Variants in TFDP2 observed in about 807,000 individuals in gnomAD.
TFDP2 encodes the protein transcription factor Dp-2 (E2F dimerization partner 2).
TFDP2 carries 17 observed loss-of-function variants against 59.3 expected under a neutral mutation model. That is an observed-to-expected ratio of 0.29 (90% CI 0.20 to 0.43). The LOEUF is 0.43. TFDP2 is among the 20% of genes least tolerant of loss of function. TFDP2 has a pLI of 1.00. For synonymous variants in TFDP2, 180 were observed against 194.7 expected, an observed-to-expected ratio of 0.92 and a Z score of 0.63; for missense variants, 391 against 528.8, an observed-to-expected ratio of 0.74 and a Z score of 2.56.
chr3:142,149,356 C>A lies in TFDP2; in HGVS notation c.-266G>T. ...CGGTCAAGGCCCAGGAGTTTGAGGC[C>A]CCAGAACGCCAACCGTGCGCGCGCC... On this transcript the variant is annotated 5_prime_UTR_variant, in exon 1 of 13. Transcript: ENST00000489671. 1 of 392,088 alleles carries A rather than the reference C, an allele frequency of 2.6e-6. No individual in the cohort carries two copies. Among genetic ancestry groups the A allele is most frequent in the Non-Finnish European group, 4.5e-6 (1 of 222,320 alleles). 24.3% of individuals were successfully genotyped at this position (392,088 alleles called of 1,614,324 possible).
intron 3 of TFDP2, chr3:142,043,751 G>A: frequency 6.4e-7 from 1 of 1,552,678 alleles, no homozygotes; most frequent in Non-Finnish European, 8.9e-7. Context: ...TGGTCAGCCA[G>A]GAGCTTCTTG....
intron 2 of TFDP2, among the ~76,000 whole-genome samples, chr3:142,100,045 T>C (rs1000240084): frequency 6.6e-6 from 1 of 152,202 alleles, no homozygotes; most frequent in African/African-American, 2.4e-5. Flanking sequence ...CTGCTTCTAG[T>C]TACCAATGCA....
intron 1 of TFDP2, among the ~76,000 whole-genome samples, chr3:142,138,559 G>A (rs1372507164): frequency 3.3e-5 from 5 of 152,128 alleles, no homozygotes; most frequent in Non-Finnish European, 7.4e-5. Context: ...AGAGATTCTG[G>A]TACATTGTGT....
At chr3:142,131,415 A>G (rs1053090680) in intron 1 of TFDP2, among the ~76,000 whole-genome samples, 1 of 150,290 alleles carries the variant, frequency 6.7e-6, no homozygotes, top group Non-Finnish European at 1.5e-5. Flanking sequence ...AACTGAAATC[A>G]GGGCACATAA....
chr3:141,993,726 A>G, intron 5 of TFDP2, 141 bp from the exon 6 acceptor site: 1 of 472,266 alleles, frequency 2.1e-6, no homozygotes, highest in Non-Finnish European at 3.8e-6. Context: ...AGATAGGTAC[A>G]TAAAATAAAT....
chr3:142,020,084 G>A lies in TFDP2; in HGVS notation c.83-14540C>T, dbSNP rs139085689. ...CAAGTCACAGGTCAATTCTAGAAGGGGCAATTTGTTTTGCAAAGAGAAATG... is the reference window on the plus strand; with the variant it reads ...CAAGTCACAGGTCAATTCTAGAAGGAGCAATTTGTTTTGCAAAGAGAAATG... On this transcript the variant is annotated intron_variant, in intron 3 of 12. Transcript: ENST00000489671. Among the ~76,000 whole-genome samples the A allele has an allele frequency of 2.3e-4, 35 of 152,220 alleles. No homozygotes were observed. The East Asian group carries it at 6.7e-3, about 29-fold the overall frequency.
At chr3:142,077,766 T>G (rs1370487372) in intron 3 of TFDP2, among the ~76,000 whole-genome samples, 2 of 152,008 alleles carry the variant, frequency 1.3e-5, no homozygotes, top group Non-Finnish European at 2.9e-5. Flanking sequence ...CTGGGTCATA[T>G]GAGAAACTCC....
chr3:142,094,180 C>T lies in TFDP2; in HGVS notation c.16-1053G>A, dbSNP rs78108506. Among the ~76,000 whole-genome samples, 652 of 152,200 alleles carry T rather than the reference C, an allele frequency of 4.3e-3. 4 individuals are homozygous for T. The highest frequency in any genetic ancestry group is 0.015 in the African/African-American group (618 of 41,536). ...CAGAACGCAAACATCCAAAAATTGG[C>T]TCTATTATTACTATCAAATACTTTT... is the stretch of plus-strand genomic sequence containing the variant. On this transcript the variant is annotated intron_variant, in intron 2 of 12. Coordinates refer to ENST00000489671, the MANE Select transcript of TFDP2 (RefSeq NM_001178139.2).
chr3:142,112,203 C>T (rs546704893), intron 1 of TFDP2, among the ~76,000 whole-genome samples: 2 of 152,306 alleles, frequency 1.3e-5, no homozygotes, highest in African/African-American at 4.8e-5. Flanking sequence ...TCTTTAAAAA[C>T]CAGTAATATT....
chr3:142,013,187 A>G (rs1438721123), intron 3 of TFDP2, among the ~76,000 whole-genome samples: 1 of 152,034 alleles, frequency 6.6e-6, no homozygotes, highest in East Asian at 1.9e-4. Flanking sequence ...TCTGAAAAAG[A>G]GAGAGAGAAT....
At position 142,036,259 on chromosome 3, in the gene TFDP2, T is replaced by A. The variant is rs55976247; in HGVS notation, c.83-30715A>T. Reference sequence around the variant, plus strand: ...TAGGCTCATCTCCCACAATTCCAGGTGCATGACTTATTTACCATTCCCTGA... The same window carrying A: ...TAGGCTCATCTCCCACAATTCCAGGAGCATGACTTATTTACCATTCCCTGA... On this transcript the variant is annotated intron_variant, in intron 3 of 12. Coordinates refer to ENST00000489671, the MANE Select transcript of TFDP2 (RefSeq NM_001178139.2). Among the ~76,000 whole-genome samples the A allele has an allele frequency of 3.4e-3, 514 of 152,302 alleles. 6 individuals are homozygous for A. The highest frequency in any genetic ancestry group is 0.012 in the African/African-American group (489 of 41,560).
At chr3:142,013,545 T>A (rs1944887439) in intron 3 of TFDP2, among the ~76,000 whole-genome samples, 1 of 152,216 alleles carries the variant, frequency 6.6e-6, no homozygotes, top group Admixed American at 6.5e-5. Flanking sequence ...TTCCTGGGAC[T>A]CAGTGTATTA....
chr3:141,995,851 C>A (rs1943219118), intron 4 of TFDP2, among the ~76,000 whole-genome samples: 1 of 142,700 alleles, frequency 7.0e-6, no homozygotes, highest in Admixed American at 7.4e-5. Context: ...CCACTGCACT[C>A]CAGCCTGGGC....
At chr3:142,137,571 G>C (rs879017210) in intron 1 of TFDP2, among the ~76,000 whole-genome samples, 1 of 152,092 alleles carries the variant, frequency 6.6e-6, no homozygotes, top group Non-Finnish European at 1.5e-5. Context: ...CTAGTTTATT[G>C]AGAGTTTTTA....
At chr3:142,125,278 A>T (rs2108708709) in intron 1 of TFDP2, among the ~76,000 whole-genome samples, 1 of 152,328 alleles carries the variant, frequency 6.6e-6, no homozygotes. Flanking sequence ...TCATAAGAGA[A>T]ATGTAAAATA....
chr3:142,126,184 T>TTTTC (rs1409357163), intron 1 of TFDP2: 1 of 149,320 alleles, frequency 6.7e-6, no homozygotes, highest in Non-Finnish European at 1.5e-5. Context: ...TTCTTTTCTT[T>TTTTC]TTTTTTTTTT....
In TFDP2 at chr3:142,005,551, T is replaced by C. The variant is rs1259463685; in HGVS notation, c.83-7A>G. The stretch of plus-strand genomic sequence containing the variant: ...GCAACAAATGAAATGTTGCCTGAAA[T>C]GATATCAAAACATTAAGTTAGTATT... On this transcript the variant is annotated splice_polypyrimidine_tract_variant and splice_region_variant and intron_variant, in intron 3 of 12. Transcript: ENST00000489671. The C allele has an allele frequency of 1.9e-6, 3 of 1,572,788 alleles. No homozygotes were observed. The highest frequency in any genetic ancestry group is 8.7e-7 in the Non-Finnish European group (1 of 1,154,454).
intron 1 of TFDP2, among the ~76,000 whole-genome samples, chr3:142,131,763 T>G (rs1197993691): frequency 6.7e-6 from 1 of 150,030 alleles, no homozygotes; most frequent in Non-Finnish European, 1.5e-5. Context: ...CCCAGCATTT[T>G]GAGAGGCCGA....
chr3:142,064,788 G>T (rs2060023559), intron 3 of TFDP2, among the ~76,000 whole-genome samples: 1 of 152,212 alleles, frequency 6.6e-6, no homozygotes, highest in African/African-American at 2.4e-5. Context: ...GAGCAAAGTT[G>T]TATAATTCTA....
Sources: allele counts gnomAD v4.1 joint callset (sites outside exome capture counted in the v4.1 genomes callset), GRCh38; gene constraint gnomAD v4.1.1; transcripts MANE v1.5; gene names NCBI Gene and HGNC (gene_info 2026-07-23, HGNC 2026-07-21).